The following UST variants were observed in gnomAD, a reference collection of about 807,000 sequenced individuals.
The protein encoded by UST is chondroitin sulfate 2-O-sulfotransferase.
Under a neutral mutation model 45.6 loss-of-function variants are expected in UST, and 21 were observed. The ratio of observed to expected loss-of-function variants is 0.46; its 90% CI spans 0.33 to 0.66. The LOEUF (loss-of-function observed/expected upper bound fraction) is 0.66, where lower values mean the gene tolerates loss of function less well. UST is among the 30% of genes least tolerant of loss of function. The pLI is 0.02. For missense variants in UST, 463 were observed against 512.4 expected, an observed-to-expected ratio of 0.90 and a Z score of 0.93; for synonymous variants, 215 against 200.6, an observed-to-expected ratio of 1.07 and a Z score of -0.61.
chr6:148,790,722 C>T lies in UST; in HGVS notation c.247+43045C>T, dbSNP rs542374193. 3.3e-5 allele frequency among the ~76,000 whole-genome samples: 5 copies of T among 152,282 alleles called. No individual in the cohort carries two copies. Among genetic ancestry groups the T allele is most frequent in the African/African-American group, 1.2e-4 (5 of 41,562 alleles). On this transcript the variant is annotated intron_variant, in intron 1 of 7. Coordinates refer to ENST00000367463, the MANE Select transcript of UST (RefSeq NM_005715.3). The surrounding 1 kb of genome is among the most constrained non-coding windows in gnomAD (Gnocchi z 4.2). ...TCGCCCAAGGTTATGCCTCTCCTCTCGGGGCATCCCACATCCAATGCCTGG... is the reference window on the plus strand; with the variant it reads ...TCGCCCAAGGTTATGCCTCTCCTCTTGGGGCATCCCACATCCAATGCCTGG...
chr6:148,919,527 G>A (rs1207349817), intron 2 of UST, among the ~76,000 whole-genome samples: 2 of 152,150 alleles, frequency 1.3e-5, no homozygotes, highest in Non-Finnish European at 2.9e-5. Flanking sequence ...GTCCAGCAGG[G>A]AAGAAGGTAT....
intron 1 of UST, among the ~76,000 whole-genome samples, chr6:148,858,905 A>G (rs188282841): frequency 1.3e-5 from 2 of 152,258 alleles, no homozygotes; most frequent in Admixed American, 1.3e-4. Flanking sequence ...TCATTGATGG[A>G]CATTTGGGTT....
chr6:148,823,090 A>C (rs1300130524), intron 1 of UST, among the ~76,000 whole-genome samples: 3 of 152,186 alleles, frequency 2.0e-5, no homozygotes, highest in Non-Finnish European at 4.4e-5. Flanking sequence ...AGGTAGAGAT[A>C]ATTTCCTTTA....
intron 1 of UST, among the ~76,000 whole-genome samples, chr6:148,821,637 C>T (rs75888899): frequency 0.014 from 2,189 of 152,184 alleles, 49 homozygotes; most frequent in African/African-American, 0.05. Context: ...TTTTATCTAC[C>T]CATTTTAGCA....
intron 1 of UST, among the ~76,000 whole-genome samples, chr6:148,827,938 GAA>G (rs954536433): frequency 3.3e-5 from 5 of 151,950 alleles, no homozygotes; most frequent in Non-Finnish European, 7.4e-5. Flanking sequence ...AGGAGAGTAA[GAA>G]ATTCTTCCTA....
chr6:148,964,588 C>T (rs905876979), intron 5 of UST, 25 bp downstream of exon 5: 11 of 1,610,902 alleles, frequency 6.8e-6, no homozygotes, highest in Non-Finnish European at 8.5e-6. Flanking sequence ...ATGCAAAAGG[C>T]GGTCTCCCCA....
intron 1 of UST, among the ~76,000 whole-genome samples, chr6:148,820,968 CTTTTTTT>C (rs71007920): frequency 1.1e-5 from 1 of 91,190 alleles, no homozygotes; most frequent in African/African-American, 4.2e-5. Flanking sequence ...TTTTTAATTC[CTTTTTTT>C]TTTTTTTTTT....
chr6:148,871,143 T>TCTCTCTCTCTCTCC lies in UST; in HGVS notation c.248-15840_248-15839insTCTCTCTCTCCCTC, dbSNP rs1345024482. On this transcript the variant is annotated intron_variant, in intron 1 of 7. Transcript: ENST00000367463. The stretch of plus-strand genomic sequence containing the variant: ...CTCTCTCTCTCTCTCTCTCTCTCTC[T>TCTCTCTCTCTCTCC]CTCCCTCTCTCCCTCTCTCTCTCTG... 4.1e-5 allele frequency among the ~76,000 whole-genome samples: 6 copies of TCTCTCTCTCTCTCC among 147,422 alleles called. No homozygotes were observed. In the South Asian group the frequency reaches 8.8e-4, roughly 22 times the overall value.
intron 1 of UST, among the ~76,000 whole-genome samples, chr6:148,866,768 GT>G (rs1778440864): frequency 6.6e-6 from 1 of 152,032 alleles, no homozygotes; most frequent in Non-Finnish European, 1.5e-5. Flanking sequence ...CTTACAAGTT[GT>G]TTTTGCTTCA....
At chr6:149,050,383 G>T (rs1392174970) in intron 7 of UST, among the ~76,000 whole-genome samples, 2 of 152,128 alleles carry the variant, frequency 1.3e-5, no homozygotes, top group African/African-American at 2.4e-5. Flanking sequence ...TCCTTTATTT[G>T]TTTTTCATTG....
chr6:148,758,636 T>C (rs754482089), intron 1 of UST, among the ~76,000 whole-genome samples: 4 of 152,186 alleles, frequency 2.6e-5, no homozygotes, highest in Non-Finnish European at 4.4e-5. Context: ...TTCCCTCTCA[T>C]TGACAGTCAG....
At chr6:148,990,389 C>A (rs967861010) in intron 5 of UST, 1 of 985,104 alleles carries the variant, frequency 1.0e-6, no homozygotes, top group Admixed American at 6.2e-5. Flanking sequence ...GCAGATCAAC[C>A]TATGAAGAGC....
intron 1 of UST, among the ~76,000 whole-genome samples, chr6:148,777,898 G>T (rs1273190894): frequency 6.6e-6 from 1 of 152,180 alleles, no homozygotes; most frequent in African/African-American, 2.4e-5. Flanking sequence ...TGTTACAGTT[G>T]CCTGCAATAT....
In UST at chr6:148,967,260, G is replaced by A. The variant is rs538062310; in HGVS notation, c.681+2697G>A. Among the ~76,000 whole-genome samples, 8 of 151,984 alleles carry A rather than the reference G, an allele frequency of 5.3e-5. No homozygotes were observed. The East Asian group carries it at 1.4e-3, about 26-fold the overall frequency. On this transcript the variant is annotated intron_variant, in intron 5 of 7. Coordinates refer to ENST00000367463, the MANE Select transcript of UST (RefSeq NM_005715.3). The stretch of plus-strand genomic sequence containing the variant: ...CTATGTCAGATGAGGTCATCAGATC[G>A]ATCCTTGGCAAGGCCCCAGCAGGAA...
intron 5 of UST, chr6:148,990,238 G>T: frequency 5.5e-6 from 1 of 182,224 alleles, no homozygotes; most frequent in Non-Finnish European, 1.0e-5. Flanking sequence ...GCAGGTTTAT[G>T]GTAGCTTTTT....
chr6:148,936,573 CTTTTTTTTTTTTTTTTT>C (rs138494669), intron 2 of UST, among the ~76,000 whole-genome samples: 3 of 85,338 alleles, frequency 3.5e-5, no homozygotes, highest in Admixed American at 2.8e-4. Context: ...AAAATCAGTC[CTTTTTTTTTTTTTTTTT>C]TTTTTTTTTT....
chr6:148,753,841 T>C (rs185542989), intron 1 of UST, among the ~76,000 whole-genome samples: 1 of 152,320 alleles, frequency 6.6e-6, no homozygotes, highest in African/African-American at 2.4e-5. Context: ...TGCCATTTCT[T>C]ATTTTCCATT....
intron 5 of UST, among the ~76,000 whole-genome samples, chr6:149,010,467 C>G (rs1775787893): frequency 6.6e-6 from 1 of 152,184 alleles, no homozygotes; most frequent in African/African-American, 2.4e-5. Flanking sequence ...CCACAGGGTC[C>G]TGCCCACAGG....
At chr6:148,812,835 A>T (rs1333972981) in intron 1 of UST, among the ~76,000 whole-genome samples, 1 of 152,206 alleles carries the variant, frequency 6.6e-6, no homozygotes, top group African/African-American at 2.4e-5. Flanking sequence ...AGGACTGTTC[A>T]TGGGTGTGAA....
Sources: allele counts gnomAD v4.1 joint callset (sites outside exome capture counted in the v4.1 genomes callset), GRCh38; gene constraint gnomAD v4.1.1; non-coding constraint Gnocchi (gnomAD v3.1); transcripts MANE v1.5; gene names NCBI Gene and HGNC (gene_info 2026-07-23, HGNC 2026-07-21).